The following SCFD2 variants were observed in gnomAD, a reference collection of about 807,000 sequenced individuals.
The protein encoded by SCFD2 is sec1 family domain containing 2.
Under a neutral mutation model 58.9 loss-of-function variants are expected in SCFD2, and 54 were observed. That is an observed-to-expected ratio of 0.92 (90% CI 0.74 to 1.15). SCFD2 has a LOEUF of 1.15. SCFD2 is among the 50% of genes most tolerant of loss of function. The pLI is 0.00. For missense variants in SCFD2, 805 were observed against 836.6 expected (o/e 0.96, Z 0.47); for synonymous variants, 321 against 335.9 (o/e 0.96, Z 0.49).
chr4:53,247,898 A>G (rs1730160916), intron 4 of SCFD2, among the ~76,000 whole-genome samples: 1 of 151,404 alleles, frequency 6.6e-6, no homozygotes, highest in South Asian at 2.1e-4. Context: ...AAAAAATAAC[A>G]AGATCATGTT....
chr4:53,235,130 A>G (rs1438248461), intron 4 of SCFD2, among the ~76,000 whole-genome samples: 1 of 152,208 alleles, frequency 6.6e-6, no homozygotes, highest in Non-Finnish European at 1.5e-5. Context: ...CACAGCCTGA[A>G]CCTGGCCCAC....
intron 4 of SCFD2, among the ~76,000 whole-genome samples, chr4:53,272,790 C>A (rs1731214284): frequency 1.3e-5 from 2 of 151,910 alleles, no homozygotes; most frequent in Non-Finnish European, 2.9e-5. Flanking sequence ...ATCAACGTGG[C>A]ACATGTATAC....
At chr4:52,974,898 T>G (rs950286177) in intron 5 of SCFD2, among the ~76,000 whole-genome samples, 1 of 152,062 alleles carries the variant, frequency 6.6e-6, no homozygotes, top group Non-Finnish European at 1.5e-5. Flanking sequence ...TTGACAAACC[T>G]GACAAAAACA....
intron 3 of SCFD2, 63 bp downstream of exon 3, chr4:53,313,573 C>T: frequency 1.9e-6 from 3 of 1,598,796 alleles, no homozygotes; most frequent in Non-Finnish European, 2.6e-6. Flanking sequence ...GCTTGGCCCA[C>T]AATTCAGAAC....
At chr4:53,136,571 T>C (rs1411997691) in intron 5 of SCFD2, among the ~76,000 whole-genome samples, 4 of 152,218 alleles carry the variant, frequency 2.6e-5, no homozygotes, top group Non-Finnish European at 2.9e-5. Context: ...AATACCATAT[T>C]GTCTGTCCCA....
rs138416131 is a variant in SCFD2, at chr4:53,007,138, G to C, written c.1562-86268C>G. Among the ~76,000 whole-genome samples the C allele has an allele frequency of 1.4e-3, 214 of 151,810 alleles. 2 individuals carry two copies. The highest frequency in any genetic ancestry group is 4.8e-3 in the African/African-American group (200 of 41,372). On this transcript the variant is annotated intron_variant, in intron 5 of 8. Coordinates refer to ENST00000401642, the MANE Select transcript of SCFD2 (RefSeq NM_152540.4). ...TCTAAAAAAAAATTAAAAATCAGCT[G>C]GGCATGGTGGTACGTGCCTGTAGTC...
intron 1 of SCFD2, among the ~76,000 whole-genome samples, chr4:53,355,527 G>A (rs184927980): frequency 2.0e-4 from 31 of 152,228 alleles, no homozygotes; most frequent in Non-Finnish European, 3.7e-4. Flanking sequence ...TTTAGTAACA[G>A]TAGCTACCAT....
intron 5 of SCFD2, among the ~76,000 whole-genome samples, chr4:52,963,026 C>T (rs1177353529): frequency 1.3e-5 from 2 of 152,156 alleles, no homozygotes; most frequent in Non-Finnish European, 2.9e-5. Flanking sequence ...TGTATATAAG[C>T]TCATTGGTTT....
intron 6 of SCFD2, among the ~76,000 whole-genome samples, chr4:52,915,289 G>C (rs1220614231): frequency 6.6e-6 from 1 of 152,126 alleles, no homozygotes; most frequent in East Asian, 1.9e-4. Context: ...TGTTACTGTT[G>C]GCATAGCTGG....
chr4:53,215,319 T>C (rs986278243), intron 4 of SCFD2, among the ~76,000 whole-genome samples: 1 of 152,158 alleles, frequency 6.6e-6, no homozygotes, highest in Non-Finnish European at 1.5e-5. Flanking sequence ...TGTATCCTCT[T>C]TTATTTCATT....
intron 4 of SCFD2, among the ~76,000 whole-genome samples, chr4:53,258,329 TCCC>T (rs1460618315): frequency 6.6e-6 from 1 of 151,740 alleles, no homozygotes; most frequent in African/African-American, 2.4e-5. Flanking sequence ...ACACACACAT[TCCC>T]CCAAGTCCCC....
chr4:53,215,187 A>C (rs200785862), intron 4 of SCFD2, among the ~76,000 whole-genome samples: 1 of 152,122 alleles, frequency 6.6e-6, no homozygotes, highest in South Asian at 2.1e-4. Flanking sequence ...CAATTCTGTG[A>C]AGAAAGTCAT....
intron 5 of SCFD2, among the ~76,000 whole-genome samples, chr4:52,952,616 A>G (rs1315722662): frequency 6.6e-6 from 1 of 152,216 alleles, no homozygotes; most frequent in African/African-American, 2.4e-5. Context: ...TTCTTTTGAA[A>G]TAGGCAGTAA....
At chr4:53,109,717 A>G (rs1294840135) in intron 5 of SCFD2, among the ~76,000 whole-genome samples, 5 of 152,232 alleles carry the variant, frequency 3.3e-5, no homozygotes, top group Non-Finnish European at 7.3e-5. Context: ...AGGAAATAAG[A>G]GAGGACACAA....
At chr4:53,248,479 C>T (rs1730204305) in intron 4 of SCFD2, among the ~76,000 whole-genome samples, 5 of 152,216 alleles carry the variant, frequency 3.3e-5, no homozygotes. Flanking sequence ...AGGGCACAGA[C>T]AAACAAAAAG....
At chr4:53,252,163 A>C (rs1021873945) in intron 4 of SCFD2, among the ~76,000 whole-genome samples, 1 of 137,546 alleles carries the variant, frequency 7.3e-6, no homozygotes, top group African/African-American at 2.7e-5. Context: ...AATACCTAGG[A>C]ATCCAACTTA....
chr4:52,965,416 G>A (rs1182548343), intron 5 of SCFD2, among the ~76,000 whole-genome samples: 3 of 152,138 alleles, frequency 2.0e-5, no homozygotes, highest in East Asian at 1.9e-4. Flanking sequence ...CTGAGCACAT[G>A]CTTCTTTTAT....
At chr4:53,237,945 G>A (rs1191690603) in intron 4 of SCFD2, among the ~76,000 whole-genome samples, 11 of 105,680 alleles carry the variant, frequency 1.0e-4, no homozygotes, top group Non-Finnish European at 1.2e-4. Context: ...GCGGCTGGCC[G>A]GGCGAGGGGC....
intron 4 of SCFD2, among the ~76,000 whole-genome samples, chr4:53,271,285 C>T (rs578053786): frequency 5.9e-5 from 9 of 151,382 alleles, no homozygotes; most frequent in African/African-American, 2.2e-4. Flanking sequence ...CCTAATCTCA[C>T]ATACATACAC....
Sources: allele counts gnomAD v4.1 joint callset (sites outside exome capture counted in the v4.1 genomes callset), GRCh38; gene constraint gnomAD v4.1.1; transcripts MANE v1.5; gene names NCBI Gene and HGNC (gene_info 2026-07-23, HGNC 2026-07-21).